Variants in IL1RAPL1 observed in about 807,000 individuals in gnomAD.
IL1RAPL1 encodes the protein interleukin 1 receptor accessory protein like 1.
A neutral mutation model predicts 48.4 loss-of-function variants in IL1RAPL1; 3 were observed. That is an observed-to-expected ratio of 0.06 (90% CI 0.03 to 0.16). The LOEUF is 0.16. Ranked by LOEUF, IL1RAPL1 falls within the 10% of genes least tolerant of loss-of-function variation. IL1RAPL1 has a pLI of 1.00. For synonymous variants in IL1RAPL1, 185 were observed against 187.7 expected (o/e 0.99, Z 0.12); for missense variants, 349 against 530.6 (o/e 0.66, Z 3.36).
chrX:29,366,047 C>A (rs78968536), intron 3 of IL1RAPL1, among the ~76,000 whole-genome samples: 767 of 74,657 alleles, frequency 0.01, no homozygotes, highest in Middle Eastern at 0.014. Context: ...GACTGTGTCT[C>A]AAAAAAAAAA....
chrX:28,934,424 A>C (rs996935964), intron 2 of IL1RAPL1, among the ~76,000 whole-genome samples: 1 of 110,813 alleles, frequency 9.0e-6, no homozygotes, highest in Non-Finnish European at 1.9e-5. Flanking sequence ...TGTACAATTA[A>C]ATTTTTTTTA....
chrX:29,598,286 A>G (rs975016494), intron 5 of IL1RAPL1, among the ~76,000 whole-genome samples: 3 of 112,410 alleles, frequency 2.7e-5, no homozygotes, highest in African/African-American at 6.5e-5. Flanking sequence ...TGTTAACCCA[A>G]TGACCATTCA....
At chrX:29,261,436 A>G (rs952632296) in intron 2 of IL1RAPL1, among the ~76,000 whole-genome samples, 4 of 110,894 alleles carry the variant, frequency 3.6e-5, no homozygotes, top group Non-Finnish European at 7.6e-5. Flanking sequence ...TTCCTTGGAG[A>G]CATGTTCTTC....
At chrX:29,238,655 A>T (rs1931353245) in intron 2 of IL1RAPL1, among the ~76,000 whole-genome samples, 1 of 112,114 alleles carries the variant, frequency 8.9e-6, no homozygotes, top group African/African-American at 3.2e-5. Flanking sequence ...ATTTCTTTCT[A>T]GCCAGTAGAG....
At chrX:29,110,471 G>C (rs1462006172) in intron 2 of IL1RAPL1, among the ~76,000 whole-genome samples, 1 of 111,645 alleles carries the variant, frequency 9.0e-6, no homozygotes, top group African/African-American at 3.3e-5. Flanking sequence ...TTATGCAGCA[G>C]GTCCTCAGAG....
At chrX:29,602,994 G>A (rs1333624020) in intron 5 of IL1RAPL1, among the ~76,000 whole-genome samples, 1 of 112,185 alleles carries the variant, frequency 8.9e-6, no homozygotes, top group Non-Finnish European at 1.9e-5. Context: ...GGCCAGGTGT[G>A]GTGGTGGGCG....
chrX:29,896,738 A>G (rs999782801), intron 6 of IL1RAPL1, among the ~76,000 whole-genome samples: 2 of 112,382 alleles, frequency 1.8e-5, no homozygotes, highest in African/African-American at 3.2e-5. Flanking sequence ...CCTCTGGCCC[A>G]GAAATCAGAC....
intron 3 of IL1RAPL1, among the ~76,000 whole-genome samples, chrX:29,293,281 ATTT>A (rs766351004): frequency 1.0e-5 from 1 of 96,690 alleles, no homozygotes. Flanking sequence ...AAAACAGCCT[ATTT>A]TTTTTTTTTT....
intron 6 of IL1RAPL1, among the ~76,000 whole-genome samples, chrX:29,672,914 A>G (rs1267842767): frequency 8.9e-6 from 1 of 112,259 alleles, no homozygotes; most frequent in Admixed American, 9.5e-5. Context: ...TCACATCTGG[A>G]GGAAAATGGT....
At chrX:29,057,416 CTT>C (rs11349494) in intron 2 of IL1RAPL1, among the ~76,000 whole-genome samples, 5 of 102,630 alleles carry the variant, frequency 4.9e-5, no homozygotes, top group Admixed American at 2.1e-4. Flanking sequence ...GTTTGGCCTA[CTT>C]TTTTTTTTTC....
At chrX:29,953,445 ATGAT>A (rs781205942) in intron 9 of IL1RAPL1, among the ~76,000 whole-genome samples, 4 of 112,113 alleles carry the variant, frequency 3.6e-5, no homozygotes, top group Non-Finnish European at 5.6e-5. Context: ...AAGATAACAA[ATGAT>A]TGATAGTAGT....
chrX:28,817,799 T>C (rs1438638304), intron 2 of IL1RAPL1, among the ~76,000 whole-genome samples: 1 of 110,896 alleles, frequency 9.0e-6, no homozygotes, highest in Non-Finnish European at 1.9e-5. Context: ...AAGCCTCCTC[T>C]GGAAGATGAC....
At chrX:29,576,148 C>G (rs1382372442) in intron 5 of IL1RAPL1, among the ~76,000 whole-genome samples, 1 of 110,225 alleles carries the variant, frequency 9.1e-6, no homozygotes, top group African/African-American at 3.3e-5. Flanking sequence ...TCTGATAATC[C>G]TCAGCAGAGT....
chrX:29,698,744 G>T (rs1021000104), intron 6 of IL1RAPL1, among the ~76,000 whole-genome samples: 1 of 111,703 alleles, frequency 9.0e-6, no homozygotes, highest in African/African-American at 3.3e-5. Flanking sequence ...TGTTTGTTTC[G>T]CTTTGTTATT....
intron 1 of IL1RAPL1, among the ~76,000 whole-genome samples, chrX:28,717,177 A>G (rs751680535): frequency 8.9e-5 from 10 of 112,377 alleles, no homozygotes; most frequent in African/African-American, 2.6e-4. Context: ...AAATTGTTCT[A>G]TCACAAAGAC....
intron 1 of IL1RAPL1, among the ~76,000 whole-genome samples, chrX:28,628,956 A>G (rs1233199505): frequency 8.9e-6 from 1 of 112,046 alleles, no homozygotes; most frequent in Non-Finnish European, 1.9e-5. Context: ...AAACTTTTTT[A>G]GGGCTTTGCT....
intron 2 of IL1RAPL1, among the ~76,000 whole-genome samples, chrX:28,896,034 C>T (rs1348658675): frequency 8.9e-6 from 1 of 112,176 alleles, no homozygotes; most frequent in Non-Finnish European, 1.9e-5. Context: ...GCCTGGTGGC[C>T]AGATTTCCGG....
chrX:29,556,271 A>G (rs1250014600), intron 5 of IL1RAPL1, among the ~76,000 whole-genome samples: 2 of 112,136 alleles, frequency 1.8e-5, no homozygotes, highest in Non-Finnish European at 3.8e-5. Context: ...TTTCTCTTGA[A>G]CTATATATGG....
intron 2 of IL1RAPL1, among the ~76,000 whole-genome samples, chrX:28,849,890 C>G (rs1338577083): frequency 8.9e-6 from 1 of 111,970 alleles, no homozygotes; most frequent in Non-Finnish European, 1.9e-5. Context: ...TGCTGATTTG[C>G]TCTACTGGCT....
Sources: allele counts gnomAD v4.1 joint callset (sites outside exome capture counted in the v4.1 genomes callset), GRCh38; gene constraint gnomAD v4.1.1; transcripts MANE v1.5; gene names NCBI Gene and HGNC (gene_info 2026-07-23, HGNC 2026-07-21).